ZNF461: variants seen among roughly 807,000 people sequenced by gnomAD.
ZNF461 encodes gonadotropin-inducible ovarian transcription factor-1.
Under a neutral mutation model 18.3 loss-of-function variants are expected in ZNF461, and 16 were observed. The observed-to-expected ratio is 0.88, with a 90% CI of 0.59 to 1.33. ZNF461 has a LOEUF of 1.33. Among genes scored for constraint, ZNF461 ranks in the 40% most tolerant of loss-of-function variants. The probability of loss-of-function intolerance (pLI) is 0.00; values close to 1 mark genes in which losing one functional copy is unlikely to be tolerated. For synonymous variants in ZNF461, 179 were observed against 216.9 expected (o/e 0.83, Z 1.54); for missense variants, 595 against 669.9 (o/e 0.89, Z 1.23).
At chr19:36,645,576 T>C (rs1472327664) in intron 4 of ZNF461, among the ~76,000 whole-genome samples, 1 of 152,144 alleles carries the variant, frequency 6.6e-6, no homozygotes, top group African/African-American at 2.4e-5. Context: ...TTGATATACA[T>C]TTACATTGTG....
rs369121113 is a variant in ZNF461 at position 36,658,347 on chromosome 19, A to G, written c.88T>C (p.Leu30=). 2.7e-5 allele frequency: 43 copies of G among 1,611,136 alleles called. 1 individual carries two copies. The highest frequency in any genetic ancestry group is 4.5e-5 in the East Asian group (2 of 44,824). The change falls in exon 3 of 6, where the codon TTG becomes CTG. Residue 30 remains leucine (L), a synonymous_variant. Transcript: ENST00000588268. The stretch of plus-strand genomic sequence containing the variant: ...TTCTCCAACATCACCTCCTTGTACA[A>G]ATTCCTCTGCGCTGGGTTCAGGCAT... ...WECLNPAQRN[L]YKEVMLENYS...
intron 4 of ZNF461, among the ~76,000 whole-genome samples, chr19:36,647,853 A>T (rs987219960): frequency 1.3e-5 from 2 of 152,008 alleles, no homozygotes; most frequent in African/African-American, 4.8e-5. Context: ...TGCTATCCTC[A>T]TGATGGTGAG....
chr19:36,650,117 G>C (rs1398541302), intron 4 of ZNF461, among the ~76,000 whole-genome samples: 2 of 152,204 alleles, frequency 1.3e-5, no homozygotes, highest in Non-Finnish European at 2.9e-5. Flanking sequence ...GGAGGGTCCA[G>C]TGAGCTGAGA....
rs759185878 is a variant in ZNF461 at position 36,664,703 on chromosome 19, C to T, written c.4G>A (p.Ala2Thr). Reference protein sequence around the residue: MAHELVMFRDVA... With the variant: MTHELVMFRDVA... ...GCAAGAAAAAACCAACTTACATGGGCCATGTCTTATTTTAGAATTGAATGT... is the reference window on the plus strand; with the variant it reads ...GCAAGAAAAAACCAACTTACATGGGTCATGTCTTATTTTAGAATTGAATGT... The change falls in exon 2 of 6, where the codon GCC becomes ACC. Residue 2 changes from alanine to threonine, a missense_variant. Coordinates refer to ENST00000588268, the MANE Select transcript of ZNF461 (RefSeq NM_153257.5). The T allele has an allele frequency of 6.6e-7, 1 of 1,505,990 alleles. No individual in the cohort carries two copies. Among genetic ancestry groups the T allele is most frequent in the Non-Finnish European group, 8.8e-7 (1 of 1,134,174 alleles). 93.3% of individuals were successfully genotyped at this position (1,505,990 alleles called of 1,614,324 possible).
Position 36,639,140 on chromosome 19 carries a change from T to C in ZNF461, c.1205A>G (p.His402Arg). Residue 402 changes from histidine (H) to arginine (R), a missense_variant, in exon 6 of 6, where the codon CAC becomes CGC. By Grantham distance (29) the His-to-Arg change is conservative. Coordinates refer to ENST00000588268, the MANE Select transcript of ZNF461 (RefSeq NM_153257.5). ...CTTGCCAGAATGAATTTTCTGATGG[T>C]GTGAGAAGCTTGAGTGATAGCTAAA... ...KAFSYHSSFS[H>R]HQKIHSGKKP... 6 of 1,613,756 alleles carry C rather than the reference T, an allele frequency of 3.7e-6. No homozygotes were observed. The highest frequency in any genetic ancestry group is 5.1e-6 in the Non-Finnish European group (6 of 1,179,950).
intron 5 of ZNF461, among the ~76,000 whole-genome samples, chr19:36,642,782 T>A (rs577473827): frequency 5.8e-4 from 83 of 144,250 alleles, no homozygotes; most frequent in Non-Finnish European, 1.1e-3. Flanking sequence ...GGGCACAGAG[T>A]CTTGCTCTGT....
chr19:36,646,429 G>A (rs2037529952), intron 4 of ZNF461, among the ~76,000 whole-genome samples: 2 of 152,174 alleles, frequency 1.3e-5, no homozygotes, highest in African/African-American at 2.4e-5. Context: ...GCCACACCTG[G>A]TCAAAATTAG....
In ZNF461 at chr19:36,658,394, T is replaced by C. The variant is rs910065247; in HGVS notation, c.41A>G (p.Asp14Gly). 6.2e-7 allele frequency: 1 copy of C among 1,611,486 alleles called. No homozygotes were observed. Among genetic ancestry groups the C allele is most frequent in the African/African-American group, 1.3e-5 (1 of 74,974 alleles). The part of the protein sequence containing the change: ...ELVMFRDVAI[D>G]VSQEEWECLN... The stretch of plus-strand genomic sequence containing the variant: ...GCATTCCCATTCCTCCTGAGAGACA[T>C]CTATAGCCACATCTCTGAACATCAC... Residue 14 changes from aspartate to glycine, a missense_variant, in exon 3 of 6, where the codon GAT becomes GGT. By Grantham distance (94) the Asp-to-Gly change is moderately conservative (BLOSUM62 -1). Coordinates refer to ENST00000588268, the MANE Select transcript of ZNF461 (RefSeq NM_153257.5).
intron 4 of ZNF461, among the ~76,000 whole-genome samples, chr19:36,647,475 G>A (rs191497428): frequency 6.6e-6 from 1 of 152,244 alleles, no homozygotes; most frequent in African/African-American, 2.4e-5. Flanking sequence ...AGGAGGTGGA[G>A]GTTGCAGTGA....
At position 36,640,010 on chromosome 19, in the gene ZNF461, G is replaced by C; in HGVS notation, c.335C>G (p.Ser112Cys). ...LASRDEPQKL[S>C]PKRDIYETEL... ...TGTTTCATAAATATCCCTTTTTGGA[G>C]ATAACTTCTGGGGCTCATCTCTGGA... is the stretch of plus-strand genomic sequence containing the variant. Residue 112 changes from serine to cysteine, a missense_variant, in exon 6 of 6, where the codon TCT becomes TGT. Physicochemically the swap from Ser to Cys is moderately radical, Grantham distance 112. Coordinates refer to ENST00000588268, the MANE Select transcript of ZNF461 (RefSeq NM_153257.5). The C allele has an allele frequency of 1.9e-6, 3 of 1,612,496 alleles. No individual in the cohort carries two copies. Among genetic ancestry groups the C allele is most frequent in the Non-Finnish European group, 1.7e-6 (2 of 1,179,108 alleles).
intron 4 of ZNF461, among the ~76,000 whole-genome samples, chr19:36,648,765 G>C (rs533917637): frequency 1.3e-5 from 2 of 152,212 alleles, no homozygotes; most frequent in Non-Finnish European, 2.9e-5. Flanking sequence ...TTTTTTGGTA[G>C]AGACGGGGTT....
At chr19:36,643,609 A>C in intron 5 of ZNF461, 185 bp downstream of exon 5, 1 of 424,460 alleles carries the variant, frequency 2.4e-6, no homozygotes, top group Non-Finnish European at 3.9e-6. Flanking sequence ...AGAGATTCTG[A>C]GAGACTACTA....
In ZNF461 at chr19:36,639,015, T is replaced by C; in HGVS notation, c.1330A>G (p.Lys444Glu). 2 of 1,614,082 alleles carry C rather than the reference T, an allele frequency of 1.2e-6. No individual in the cohort carries two copies. Among genetic ancestry groups the C allele is most frequent in the Non-Finnish European group, 8.5e-7 (1 of 1,179,996 alleles). ...IHTGEKPYEC[K>E]ECGKTFRQCS... ...TGTCTAAAAGTCTTCCCACATTCCT[T>C]ACACTCATAGGGTTTCTCACCAGTA... is the stretch of plus-strand genomic sequence containing the variant. The change falls in exon 6 of 6, where the codon AAG becomes GAG. Residue 444 changes from lysine to glutamate, a missense_variant. Physicochemically the swap from Lys to Glu is moderately conservative, Grantham distance 56. Transcript: ENST00000588268.
intron 4 of ZNF461, among the ~76,000 whole-genome samples, chr19:36,655,996 CTT>C (rs781044041): frequency 3.8e-5 from 5 of 130,478 alleles, no homozygotes; most frequent in Admixed American, 8.0e-5. Context: ...TTTAGAATAT[CTT>C]TTTTTTTTTT....
chr19:36,638,785 A>C lies in ZNF461; in HGVS notation c.1560T>G (p.Ser520=). 1.2e-6 allele frequency: 2 copies of C among 1,614,212 alleles called. No individual in the cohort carries two copies. The highest frequency in any genetic ancestry group is 1.7e-6 in the Non-Finnish European group (2 of 1,180,032). ...TCCCGCATTGATAAGGTTTCTTTCCAGAATGAATTCTCTGATGGTGTGAGA... is the reference window on the plus strand; with the variant it reads ...TCCCGCATTGATAAGGTTTCTTTCCCGAATGAATTCTCTGATGGTGTGAGA... ...SSFSHHQRIH[S]GKKPYQCGKA... is the part of the protein sequence containing the mutation. The change falls in exon 6 of 6, where the codon TCT becomes TCG. Residue 520 remains serine, a synonymous_variant. Transcript: ENST00000588268.
At chr19:36,645,269 A>G (rs902453133) in intron 4 of ZNF461, 17 of 152,166 alleles carry the variant, frequency 1.1e-4, no homozygotes, top group Non-Finnish European at 2.4e-4. Context: ...CTGTGCCCAC[A>G]CTGGACAATA....
At chr19:36,644,176 G>A (rs781006706) in intron 4 of ZNF461, among the ~76,000 whole-genome samples, 16 of 145,134 alleles carry the variant, frequency 1.1e-4, no homozygotes, top group Middle Eastern at 4.0e-3. Flanking sequence ...CAGGTGATCC[G>A]CCCACCTCGG....
intron 2 of ZNF461, among the ~76,000 whole-genome samples, chr19:36,663,993 G>A (rs1021090360): frequency 3.9e-5 from 6 of 152,022 alleles, no homozygotes; most frequent in Admixed American, 6.6e-5. Context: ...GATTTATTCC[G>A]TTACCTAGAA....
chr19:36,665,845 G>A (rs1273419274), intron 1 of ZNF461, among the ~76,000 whole-genome samples: 1 of 152,018 alleles, frequency 6.6e-6, no homozygotes, highest in Non-Finnish European at 1.5e-5. Flanking sequence ...ATAAATGCGG[G>A]GTAGCAATGT....
Sources: allele counts gnomAD v4.1 joint callset (sites outside exome capture counted in the v4.1 genomes callset), GRCh38; gene constraint gnomAD v4.1.1; transcripts MANE v1.5; gene names NCBI Gene and HGNC (gene_info 2026-07-23, HGNC 2026-07-21).